SERINC5: variants seen among roughly 807,000 people sequenced by gnomAD.
SERINC5 encodes chromosome 5 open reading frame 12.
Under a neutral mutation model 63.1 loss-of-function variants are expected in SERINC5, and 41 were observed. The observed-to-expected ratio is 0.65, with a 90% CI of 0.51 to 0.84. The LOEUF (loss-of-function observed/expected upper bound fraction) is 0.84. Among genes scored for constraint, SERINC5 ranks in the 40% least tolerant of loss-of-function variants. The probability of loss-of-function intolerance (pLI) is 0.00; values close to 1 mark genes in which losing one functional copy is unlikely to be tolerated. For missense variants in SERINC5, 523 were observed against 573.0 expected (o/e 0.91, Z 0.89); for synonymous variants, 222 against 215.2 (o/e 1.03, Z -0.28).
chr5:80,137,866 A>G (rs1462816117), downstream of SERINC5, among the ~76,000 whole-genome samples: 1 of 152,004 alleles, frequency 6.6e-6, no homozygotes, highest in Admixed American at 6.6e-5. Context: ...GCTTGAGTCC[A>G]AGAAGTCAAG....
At chr5:80,119,701 T>A (rs1459614894) in intron 11 of SERINC5, among the ~76,000 whole-genome samples, 1 of 152,210 alleles carries the variant, frequency 6.6e-6, no homozygotes, top group African/African-American at 2.4e-5. Flanking sequence ...GATTTCCCCA[T>A]CCCAGAAGGG....
At chr5:80,115,989 A>C in intron 11 of SERINC5, 1 of 258,776 alleles carries the variant, frequency 3.9e-6, no homozygotes, top group Non-Finnish European at 7.6e-6. Flanking sequence ...AAAGGGATAG[A>C]AGATGTTAAT....
Position 80,143,312 on chromosome 5 carries a change from G to C in SERINC5, c.*351C>G. On this transcript the variant is annotated 3_prime_UTR_variant, in exon 12 of 12. Transcript: ENST00000507668. ...GTTTTTCTATTCCGAGGATGAGAAT[G>C]ACTGGCCCCACAAGATATTTTTATC... The C allele has an allele frequency of 9.8e-7, 1 of 1,019,918 alleles. No homozygotes were observed. The highest frequency in any genetic ancestry group is 1.2e-6 in the Non-Finnish European group (1 of 852,106). The allele number at this position is 1,019,918 out of a possible 1,614,324, so 63.2% of individuals were successfully genotyped here.
intron 9 of SERINC5, among the ~76,000 whole-genome samples, chr5:80,148,123 C>T (rs1439572241): frequency 6.6e-6 from 1 of 151,616 alleles, no homozygotes; most frequent in East Asian, 1.9e-4. Flanking sequence ...GTTGCACGGG[C>T]CGTGGGCAGG....
chr5:80,151,273 TTA>T (rs1746163906), intron 8 of SERINC5, among the ~76,000 whole-genome samples: 1 of 152,208 alleles, frequency 6.6e-6, no homozygotes, highest in African/African-American at 2.4e-5. Context: ...TAATTTCAGT[TTA>T]TCTTTCCCTC....
chr5:80,214,854 G>A (rs1181668647), intron 1 of SERINC5, among the ~76,000 whole-genome samples: 1 of 152,150 alleles, frequency 6.6e-6, no homozygotes, highest in Non-Finnish European at 1.5e-5. Flanking sequence ...CCAAGATCAT[G>A]CCATTGCACT....
chr5:80,161,521 A>G (rs1161005600), intron 7 of SERINC5, among the ~76,000 whole-genome samples: 1 of 152,024 alleles, frequency 6.6e-6, no homozygotes, highest in African/African-American at 2.4e-5. Flanking sequence ...TGAAATGTCT[A>G]TTCATGTTCT....
chr5:80,229,030 T>TGGGGGGGGGGGGG (rs1300617664), intron 1 of SERINC5, among the ~76,000 whole-genome samples: 1 of 41,776 alleles, frequency 2.4e-5, no homozygotes, highest in Non-Finnish European at 4.1e-5. Flanking sequence ...CCTTTTTTTT[T>TGGGGGGGGGGGGG]TTTTTTTTTT....
rs1048272770 is a variant in SERINC5, at chr5:80,140,223, C to T, written c.*3440G>A. The T allele has an allele frequency of 3.6e-6, 3 of 823,622 alleles. No homozygotes were observed. Among genetic ancestry groups the T allele is most frequent in the Non-Finnish European group, 4.3e-6 (3 of 691,064 alleles). The allele number at this position is 823,622 out of a possible 1,614,324, so 51.0% of individuals were successfully genotyped here. ...GGTCTCAGCTACTTGGGAGGTGGTCCTTGAGCCCAGGAGGTCAAGCCTGCC... is the reference window on the plus strand; with the variant it reads ...GGTCTCAGCTACTTGGGAGGTGGTCTTTGAGCCCAGGAGGTCAAGCCTGCC... On this transcript the variant is annotated 3_prime_UTR_variant, in exon 12 of 12. Coordinates refer to ENST00000507668, the MANE Select transcript of SERINC5 (RefSeq NM_001174072.3).
At chr5:80,150,682 C>T (rs930111779) in intron 9 of SERINC5, among the ~76,000 whole-genome samples, 200 bp downstream of exon 9, 8 of 152,284 alleles carry the variant, frequency 5.3e-5, no homozygotes, top group East Asian at 3.9e-4. Flanking sequence ...GTGATCCACC[C>T]GCCTCGGACT....
At chr5:80,221,723 T>C (rs1031905914) in intron 1 of SERINC5, among the ~76,000 whole-genome samples, 1 of 151,214 alleles carries the variant, frequency 6.6e-6, no homozygotes, top group Non-Finnish European at 1.5e-5. Flanking sequence ...CTACCCACCA[T>C]ATAGGATATG....
In SERINC5 at chr5:80,126,004, T is replaced by G. The variant is rs147953066; in HGVS notation, c.1239-12379A>C. Among the ~76,000 whole-genome samples, 1,277 of 152,330 alleles carry G rather than the reference T, an allele frequency of 8.4e-3. 9 individuals are homozygous for G. Among genetic ancestry groups the G allele is most frequent in the Non-Finnish European group, 0.015 (1,005 of 68,020 alleles). Reference sequence around the variant, plus strand: ...CAGTTCAGAGACTCTATCAGAAAGATGAGGAGCTCATGAGTCATCCATCAA... The same window carrying G: ...CAGTTCAGAGACTCTATCAGAAAGAGGAGGAGCTCATGAGTCATCCATCAA... On this transcript the variant is annotated intron_variant, in intron 11 of 12. Transcript: ENST00000509193.
intron 2 of SERINC5, among the ~76,000 whole-genome samples, chr5:80,187,278 T>C (rs768254223): frequency 1.2e-4 from 19 of 152,198 alleles, no homozygotes; most frequent in Non-Finnish European, 2.8e-4. Context: ...GAGGGATAAA[T>C]TAGGTTCACA....
At position 80,140,332 on chromosome 5, in the gene SERINC5, AGGCTT is replaced by A; in HGVS notation, c.*3326_*3330del. 1.4e-6 allele frequency: 1 copy of A among 713,178 alleles called. No individual in the cohort carries two copies. The highest frequency in any genetic ancestry group is 1.7e-6 in the Non-Finnish European group (1 of 594,720). The allele number at this position is 713,178 out of a possible 1,614,324, so 44.2% of individuals were successfully genotyped here. On this transcript the variant is annotated 3_prime_UTR_variant, in exon 12 of 12. Coordinates refer to ENST00000507668, the MANE Select transcript of SERINC5 (RefSeq NM_001174072.3). ...AAAAAAAAAAAAAAAAAAAAAAAAA[AGGCTT>A]AGGGTGACAATTTTGACATGGGGAC... is the stretch of plus-strand genomic sequence containing the variant.
chr5:80,166,303 A>C (rs928201250), intron 7 of SERINC5, 80 bp downstream of exon 7: 4 of 1,027,752 alleles, frequency 3.9e-6, no homozygotes, highest in Admixed American at 4.2e-5. Flanking sequence ...AGGCCTCTCC[A>C]ATATTTAAAC....
At chr5:80,255,028 C>T (rs2112626434) in intron 1 of SERINC5, 1 of 152,284 alleles carries the variant, frequency 6.6e-6, no homozygotes, top group Non-Finnish European at 1.5e-5. Context: ...TGTACCGAAA[C>T]GCTGATAATC....
chr5:80,249,777 C>T (rs1002656758), intron 1 of SERINC5, among the ~76,000 whole-genome samples: 2 of 151,684 alleles, frequency 1.3e-5, no homozygotes, highest in African/African-American at 4.8e-5. Context: ...ACTCCAGCCT[C>T]GGCAACAAGA....
chr5:80,165,954 T>C (rs915504912), intron 7 of SERINC5, among the ~76,000 whole-genome samples: 2 of 152,232 alleles, frequency 1.3e-5, no homozygotes, highest in African/African-American at 2.4e-5. Context: ...CGTTTATTTT[T>C]ATTTTTTAAC....
chr5:80,143,993 C>CTAAGGGGTG, intron 11 of SERINC5, 183 bp from the exon 12 acceptor site: 1 of 688,700 alleles, frequency 1.5e-6, no homozygotes, highest in Non-Finnish European at 2.4e-6. Context: ...AATCATGCAC[C>CTAAGGGGTG]CCTTAGGTGC....
Sources: allele counts gnomAD v4.1 joint callset (sites outside exome capture counted in the v4.1 genomes callset), GRCh38; gene constraint gnomAD v4.1.1; transcripts MANE v1.5; gene names NCBI Gene and HGNC (gene_info 2026-07-23, HGNC 2026-07-21).